The following HGS variants were observed in gnomAD, a reference collection of about 807,000 sequenced individuals.
The protein encoded by HGS is hepatocyte growth factor-regulated tyrosine kinase substrate.
Under a neutral mutation model 109.7 loss-of-function variants are expected in HGS, and 63 were observed. The ratio of observed to expected loss-of-function variants is 0.57; its 90% CI spans 0.47 to 0.71. HGS has a LOEUF of 0.71. Ranked by LOEUF, HGS falls within the 30% of genes least tolerant of loss-of-function variation. The probability of loss-of-function intolerance (pLI) is 0.00; values close to 1 mark genes in which losing one functional copy is unlikely to be tolerated. For synonymous variants in HGS, 546 were observed against 437.3 expected, an observed-to-expected ratio of 1.25 and a Z score of -3.10; for missense variants, 995 against 1,068.3, an observed-to-expected ratio of 0.93 and a Z score of 0.96.
At chr17:81,697,994 A>T (rs1478123401) in intron 18 of HGS, 1 of 151,400 alleles carries the variant, frequency 6.6e-6, no homozygotes, top group Non-Finnish European at 1.5e-5. Context: ...TTGCACCACC[A>T]TGCCTGGCTA....
intron 15 of HGS, 164 bp downstream of exon 15, chr17:81,696,163 ATGCCCTGCCC>A (rs58903919): frequency 0.12 from 95,607 of 768,648 alleles, 7,459 homozygotes; most frequent in Admixed American, 0.25. Flanking sequence ...AGTGATGACC[ATGCCCTGCCC>A]TGCCCTGCCC....
chr17:81,691,186 A>G lies in HGS; in HGVS notation c.538-261A>G, dbSNP rs955926114. The G allele has an allele frequency of 2.0e-6, 1 of 502,776 alleles. No individual in the cohort carries two copies. Among genetic ancestry groups the G allele is most frequent in the African/African-American group, 1.9e-5 (1 of 51,926 alleles). The allele number at this position is 502,776 out of a possible 1,614,324, so 31.1% of individuals were successfully genotyped here. A position where few individuals can be genotyped will look rare whatever the true frequency, so the allele number is the denominator to read the frequency against. ...CACTCACAAAAGCTCTTGTTTTATC[A>G]GCAGAATTGATGTGTATTTTTTCCT... is the stretch of plus-strand genomic sequence containing the variant. On this transcript the variant is annotated intron_variant, in intron 7 of 21. Coordinates refer to ENST00000329138, the MANE Select transcript of HGS (RefSeq NM_004712.5). This position sits in a 1 kb window ranked among gnomAD's most constrained non-coding sequence, Gnocchi z 5.3.
At position 81,693,501 on chromosome 17, in the gene HGS, A is replaced by G; in HGVS notation, c.663-2A>G. The G allele has an allele frequency of 6.2e-7, 1 of 1,612,162 alleles. No individual in the cohort carries two copies. ...GACCTGCAGCATTCCTTGTGCCCAC[A>G]GGAAAGCGGAGGGAAAGGCCACTTC... On this transcript the variant is annotated splice_acceptor_variant, in intron 8 of 21. Coordinates refer to ENST00000329138, the MANE Select transcript of HGS (RefSeq NM_004712.5). LOFTEE classifies it high-confidence loss of function.
intron 6 of HGS, chr17:81,690,441 TA>T (rs1033535248): frequency 1.6e-6 from 1 of 643,208 alleles, no homozygotes; most frequent in African/African-American, 1.8e-5. Context: ...TTAGAGTGGC[TA>T]GGGGGCTCGG....
chr17:81,700,655 G>A, intron 19 of HGS, 40 bp from the exon 20 acceptor site: 2 of 1,039,710 alleles, frequency 1.9e-6, no homozygotes, highest in African/African-American at 1.6e-5. Flanking sequence ...CCCAGCCCCA[G>A]CCCCAGCCCC....
chr17:81,697,062 C>T (rs2037162916), intron 18 of HGS, 64 bp downstream of exon 18: 2 of 1,466,310 alleles, frequency 1.4e-6, no homozygotes, highest in Non-Finnish European at 9.1e-7. Context: ...GCCGAATTTA[C>T]AGAAAAGCAG....
intron 14 of HGS, 135 bp downstream of exon 14, chr17:81,695,358 G>GCCTGCCCTGC (rs960462351): frequency 1.1e-6 from 1 of 920,962 alleles, no homozygotes; most frequent in South Asian, 1.5e-5. Context: ...CCCAGCCCTG[G>GCCTGCCCTGC]CCTGCCCTGC....
At chr17:81,692,851 T>C (rs1007594944) in intron 8 of HGS, 7 of 152,054 alleles carry the variant, frequency 4.6e-5, no homozygotes, top group Admixed American at 2.6e-4. Context: ...ATTTTTGTAT[T>C]TTATACAAAA....
At position 81,688,684 on chromosome 17, in the gene HGS, C is replaced by T. The variant is rs147708106; in HGVS notation, c.292-20C>T. On this transcript the variant is annotated intron_variant, in intron 4 of 21. Transcript: ENST00000329138. ...GCCTGGAGTGTCCTGCGACCCTCAC[C>T]CCCTTCTCCCTGCCTGCAGAGACAA... is the stretch of plus-strand genomic sequence containing the variant. The T allele has an allele frequency of 2.5e-6, 4 of 1,612,942 alleles. No individual in the cohort carries two copies. The African/African-American group carries it at 4.0e-5, about 16-fold the overall frequency.
intron 18 of HGS, among the ~76,000 whole-genome samples, chr17:81,699,803 G>A (rs892257597): frequency 2.6e-5 from 4 of 152,142 alleles, no homozygotes; most frequent in Admixed American, 1.3e-4. Flanking sequence ...CTGGCCGGGC[G>A]GTGGCTCACG....
intron 5 of HGS, among the ~76,000 whole-genome samples, chr17:81,689,284 G>C (rs1020643624): frequency 2.0e-5 from 3 of 152,234 alleles, no homozygotes; most frequent in Admixed American, 6.5e-5. Flanking sequence ...GGAGAGTGCA[G>C]CCGGGCCTGT....
At chr17:81,686,424 C>T in intron 3 of HGS, 37 bp downstream of exon 3, 2 of 1,440,864 alleles carry the variant, frequency 1.4e-6, no homozygotes, top group Non-Finnish European at 2.0e-6. Flanking sequence ...CCCCCAGGGT[C>T]CCTACCCCCT....
intron 10 of HGS, 58 bp downstream of exon 10, chr17:81,693,810 CG>C (rs2037102313): frequency 6.5e-7 from 1 of 1,549,240 alleles, no homozygotes; most frequent in Admixed American, 1.9e-5. Flanking sequence ...GGATGTGCTG[CG>C]GTGGGGCCGG....
chr17:81,693,708 G>T lies in HGS; in HGVS notation c.796G>T (p.Ala266Ser). 6.4e-7 allele frequency: 1 copy of T among 1,558,544 alleles called. No homozygotes were observed. The change falls in exon 10 of 22, where the codon GCC (alanine) becomes TCC (serine). Residue 266 changes from alanine (A) to serine (S), a missense_variant. Ala to Ser is a moderately conservative substitution (Grantham distance 99). Transcript: ENST00000329138. ...GCAGGAGGAGGAGGAGCTGCAGCTGGCCCTGGCGCTGTCACAGTCAGAGGC... is the reference window on the plus strand; with the variant it reads ...GCAGGAGGAGGAGGAGCTGCAGCTGTCCCTGGCGCTGTCACAGTCAGAGGC... ...ALQEEEELQL[A>S]LALSQSEAEE...
chr17:81,700,323 T>G (rs2037215341), intron 18 of HGS, 144 bp from the exon 19 acceptor site: 19 of 762,896 alleles, frequency 2.5e-5, no homozygotes, highest in Non-Finnish European at 3.2e-5. Context: ...GAGCCAGGAT[T>G]GTGCCACTGC....
chr17:81,692,810 G>T (rs761521695), intron 8 of HGS: 1 of 152,060 alleles, frequency 6.6e-6, no homozygotes, highest in Non-Finnish European at 1.5e-5. Context: ...GTGAAATCCC[G>T]TCTCTACTTT....
chr17:81,692,372 C>T (rs1306137075), intron 8 of HGS: 3 of 152,304 alleles, frequency 2.0e-5, no homozygotes, highest in East Asian at 3.9e-4. Flanking sequence ...GTCTGAGGCT[C>T]CCACCTGCTT....
chr17:81,700,963 T>C, intron 20 of HGS, 82 bp from the exon 21 acceptor site: 1 of 1,542,692 alleles, frequency 6.5e-7, no homozygotes, highest in African/African-American at 1.4e-5. Flanking sequence ...TGTGGTCACC[T>C]TTGGATTGTT....
chr17:81,687,961 C>T lies in HGS; in HGVS notation c.292-743C>T, dbSNP rs573666081. On this transcript the variant is annotated intron_variant, in intron 4 of 21. Transcript: ENST00000329138. ...GGTGCCGGAGTCTGGCCCTGCCCGA[C>T]CCTGGTGCTCCTGAGCTCCTTCAGT... 2.6e-5 allele frequency among the ~76,000 whole-genome samples: 4 copies of T among 152,324 alleles called. No homozygotes were observed. The South Asian group carries it at 8.3e-4, about 32-fold the overall frequency.
Sources: allele counts gnomAD v4.1 joint callset (sites outside exome capture counted in the v4.1 genomes callset), GRCh38; gene constraint gnomAD v4.1.1; non-coding constraint Gnocchi (gnomAD v3.1); transcripts MANE v1.5; gene names NCBI Gene and HGNC (gene_info 2026-07-23, HGNC 2026-07-21).